The following ENO1 variants were observed in gnomAD, a reference collection of about 807,000 sequenced individuals.
ENO1 encodes alpha-enolase.
Under a neutral mutation model 46.3 loss-of-function variants are expected in ENO1, and 33 were observed. The observed-to-expected ratio is 0.71, with a 90% CI of 0.54 to 0.95. The LOEUF (loss-of-function observed/expected upper bound fraction) is 0.95. ENO1 is among the 40% of genes least tolerant of loss of function. The pLI, the probability that ENO1 is intolerant of heterozygous loss-of-function variation, is 0.00. For missense variants in ENO1, 488 were observed against 553.3 expected (o/e 0.88, Z 1.18); for synonymous variants, 220 against 216.0 (o/e 1.02, Z -0.16).
intron 4 of ENO1, among the ~76,000 whole-genome samples, chr1:8,869,641 C>A (rs535299797): frequency 9.5e-4 from 145 of 152,304 alleles, no homozygotes; most frequent in African/African-American, 3.3e-3. Flanking sequence ...CTCACTGCAA[C>A]CTCTGCCTCC....
intron 2 of ENO1, chr1:8,873,920 C>T (rs1218733080): frequency 6.6e-6 from 1 of 152,226 alleles, no homozygotes; most frequent in Non-Finnish European, 1.5e-5. Flanking sequence ...ACTGGATTTT[C>T]TTCTTAAAGG....
At chr1:8,868,111 T>G (rs959012258) in intron 4 of ENO1, 54 bp from the exon 5 acceptor site, 5 of 1,271,622 alleles carry the variant, frequency 3.9e-6, no homozygotes, top group African/African-American at 1.5e-5. Context: ...CTGCATAGCC[T>G]TTGCTCCCCT....
chr1:8,866,237 G>C (rs878907980), intron 7 of ENO1, 42 bp downstream of exon 7: 1 of 1,588,668 alleles, frequency 6.3e-7, no homozygotes, highest in Admixed American at 1.7e-5. Flanking sequence ...GGGAGCTGGC[G>C]CTGCAGGGCT....
chr1:8,864,222 C>T (rs912645765), intron 8 of ENO1, 130 bp from the exon 9 acceptor site: 20 of 974,976 alleles, frequency 2.1e-5, no homozygotes, highest in South Asian at 9.7e-5. Flanking sequence ...AGGATGGGGA[C>T]AGCTCCCCAA....
At chr1:8,863,009 G>C (rs929980836) in intron 10 of ENO1, 64 bp from the exon 11 acceptor site, 5 of 1,590,328 alleles carry the variant, frequency 3.1e-6, no homozygotes, top group Non-Finnish European at 4.3e-6. Context: ...CTGGCAGGGA[G>C]AGGGTGTGGT....
intron 1 of ENO1, among the ~76,000 whole-genome samples, chr1:8,877,072 C>T (rs895548302): frequency 6.6e-6 from 1 of 151,910 alleles, no homozygotes. Flanking sequence ...TCACTGCAGG[C>T]TCCGCCTCCA....
chr1:8,870,725 C>T (rs1642613992), intron 3 of ENO1: 2 of 1,429,916 alleles, frequency 1.4e-6, no homozygotes, highest in Non-Finnish European at 9.1e-7. Flanking sequence ...TAGAGCCACA[C>T]AAAACAGCAG....
chr1:8,870,415 G>A (rs377244479), intron 4 of ENO1, 37 bp downstream of exon 4: 30 of 1,613,734 alleles, frequency 1.9e-5, no homozygotes, highest in Non-Finnish European at 2.5e-5. Flanking sequence ...CGCTCTGGTG[G>A]CATTAGACAC....
intron 11 of ENO1, among the ~76,000 whole-genome samples, chr1:8,862,554 G>A (rs967754869): frequency 6.6e-6 from 1 of 152,168 alleles, no homozygotes; most frequent in Non-Finnish European, 1.5e-5. Flanking sequence ...GGTTAAATGC[G>A]CTGAAACAGA....
chr1:8,870,861 A>G (rs912917094), intron 3 of ENO1: 1 of 1,314,902 alleles, frequency 7.6e-7, no homozygotes, highest in African/African-American at 1.5e-5. Context: ...ACTCATTAAT[A>G]TACTTAATGG....
At chr1:8,870,293 T>A in intron 4 of ENO1, 159 bp downstream of exon 4, 1 of 884,348 alleles carries the variant, frequency 1.1e-6, no homozygotes, top group Non-Finnish European at 1.7e-6. Context: ...GCGGGCAGGT[T>A]AGAATTATGT....
intron 1 of ENO1, chr1:8,876,205 T>TC (rs1198276000): frequency 5.9e-5 from 9 of 152,156 alleles, no homozygotes; most frequent in Admixed American, 5.9e-4. Context: ...CTACCTGGGC[T>TC]CCCCTCCAAC....
At chr1:8,872,161 C>A (rs1642646860) in intron 2 of ENO1, among the ~76,000 whole-genome samples, 175 bp from the exon 3 acceptor site, 1 of 152,160 alleles carries the variant, frequency 6.6e-6, no homozygotes, top group African/African-American at 2.4e-5. Context: ...GTTTATGATC[C>A]TGTACTGCAG....
At chr1:8,870,123 C>A in intron 4 of ENO1, 1 of 325,762 alleles carries the variant, frequency 3.1e-6, no homozygotes, top group Admixed American at 4.1e-5. Flanking sequence ...AAATTAGTCA[C>A]CATGGACACT....
At chr1:8,874,712 G>C in intron 2 of ENO1, 112 bp downstream of exon 2, 1 of 948,170 alleles carries the variant, frequency 1.1e-6, no homozygotes, top group South Asian at 1.7e-5. Context: ...TGTGCAGACA[G>C]AAAGAAAAGC....
At chr1:8,872,065 G>T in intron 2 of ENO1, 79 bp from the exon 3 acceptor site, 1 of 1,219,786 alleles carries the variant, frequency 8.2e-7, no homozygotes, top group Non-Finnish European at 1.2e-6. Context: ...CCCGCCCACA[G>T]ATGCATTTGT....
Position 8,865,351 on chromosome 1 carries a change from G to C in ENO1, c.799C>G (p.Pro267Ala), listed in dbSNP as rs1569898835. ...YDLDFKSPDD[P>A]SRYISPDQLA... ...TGGTCAGGCGAGATGTACCTGCTGG[G>C]GTCATCGGGAGACTTGAAGTCCAGG... is the stretch of plus-strand genomic sequence containing the variant. Residue 267 changes from proline (P) to alanine (A), a missense_variant, in exon 8 of 12, where the codon CCC (proline) becomes GCC (alanine). By Grantham distance (27) the Pro-to-Ala change is conservative. Coordinates refer to ENST00000234590, the MANE Select transcript of ENO1 (RefSeq NM_001428.5). 6.2e-7 allele frequency: 1 copy of C among 1,614,158 alleles called. No homozygotes were observed. The highest frequency in any genetic ancestry group is 1.1e-5 in the South Asian group (1 of 91,078).
intron 4 of ENO1, among the ~76,000 whole-genome samples, chr1:8,869,817 C>T (rs888999674): frequency 1.3e-5 from 2 of 152,204 alleles, no homozygotes; most frequent in Admixed American, 1.3e-4. Context: ...ACCTCAGCTT[C>T]CCAAAGTGCT....
At chr1:8,867,053 G>A (rs1431940943) in intron 6 of ENO1, 64 bp downstream of exon 6, 10 of 1,583,266 alleles carry the variant, frequency 6.3e-6, no homozygotes, top group African/African-American at 2.7e-5. Flanking sequence ...AGGAGGTCTC[G>A]GGTCCCCAAC....
Sources: allele counts gnomAD v4.1 joint callset (sites outside exome capture counted in the v4.1 genomes callset), GRCh38; gene constraint gnomAD v4.1.1; transcripts MANE v1.5; gene names NCBI Gene and HGNC (gene_info 2026-07-23, HGNC 2026-07-21).